Variants in IGF2 observed in about 807,000 individuals in gnomAD.
IGF2 encodes insulin-like growth factor 2.
IGF2 carries 2 observed loss-of-function variants against 12.0 expected under a neutral mutation model. That is an observed-to-expected ratio of 0.17 (90% CI 0.07 to 0.52). The LOEUF is 0.52. IGF2 is among the 20% of genes least tolerant of loss of function. The pLI, the probability that IGF2 is intolerant of heterozygous loss-of-function variation, is 0.95. For synonymous variants in IGF2, 105 were observed against 110.1 expected, an observed-to-expected ratio of 0.95 and a Z score of 0.29; for missense variants, 211 against 268.0, an observed-to-expected ratio of 0.79 and a Z score of 1.48.
upstream of IGF2, chr11:2,140,038 C>G (rs1281390078): frequency 8.0e-7 from 1 of 1,247,858 alleles, no homozygotes; most frequent in Non-Finnish European, 1.1e-6. Flanking sequence ...GGAAGGCCGG[C>G]TGCGCCGGGC....
the IGF2 span, chr11:2,147,285 CT>C: frequency 1.8e-5 from 6 of 326,192 alleles, no homozygotes; most frequent in African/African-American, 1.3e-4. The surrounding 1 kb of genome is among the most constrained non-coding windows in gnomAD (Gnocchi z 7.2). Flanking sequence ...CTCCCTGCCC[CT>C]CTCCCCTTCT....
chr11:2,138,148 G>C, intron 1 of IGF2, 81 bp downstream of exon 1: 1 of 883,562 alleles, frequency 1.1e-6, no homozygotes, highest in East Asian at 1.2e-4. Context: ...GCCGGGAGCG[G>C]GCGGAGGAAG....
In IGF2 at chr11:2,130,375, C is replaced by T. The variant is rs1437330851; in HGVS notation, c.*2612G>A. 1.8e-5 allele frequency: 4 copies of T among 227,866 alleles called. No homozygotes were observed. In the East Asian group the frequency reaches 1.9e-4, roughly 11 times the overall value. 14.1% of individuals were successfully genotyped at this position (227,866 alleles called of 1,614,324 possible). A position where few individuals can be genotyped will look rare whatever the true frequency, so the allele number is the denominator to read the frequency against. On this transcript the variant is annotated 3_prime_UTR_variant, in exon 4 of 4. Coordinates refer to ENST00000416167, the MANE Select transcript of IGF2 (RefSeq NM_000612.6). Reference sequence around the variant, plus strand: ...CTCCAAGGGGGCTCAGTGGCCAGTGCCCCCCAGGAGGCTCCACCCTCAACT... The same window carrying T: ...CTCCAAGGGGGCTCAGTGGCCAGTGTCCCCCAGGAGGCTCCACCCTCAACT...
Position 2,131,365 on chromosome 11 carries a change from C to A in IGF2, c.*1622G>T, listed in dbSNP as rs1858535128. ...ATCTTAGCGGGACTTTGGCCTGATC[C>A]ATACAGATATCGTAGTTGCTTAGAT... On this transcript the variant is annotated 3_prime_UTR_variant, in exon 4 of 4. Transcript: ENST00000416167. 4.3e-6 allele frequency: 1 copy of A among 233,266 alleles called. No individual in the cohort carries two copies. The highest frequency in any genetic ancestry group is 1.8e-4 in the South Asian group (1 of 5,536). The allele number at this position is 233,266 out of a possible 1,614,324, so 14.4% of individuals were successfully genotyped here.
In IGF2 at chr11:2,132,015, C is replaced by A; in HGVS notation, c.*972G>T. ...TGCGTTTGTGTGTGTGCTGTGTGCT[C>A]ATCTGTGTGCTGTGTGTGCTGTGCG... On this transcript the variant is annotated 3_prime_UTR_variant, in exon 4 of 4. Coordinates refer to ENST00000416167, the MANE Select transcript of IGF2 (RefSeq NM_000612.6). 1 of 139,758 alleles carries A rather than the reference C, an allele frequency of 7.2e-6. No homozygotes were observed. Among genetic ancestry groups the A allele is most frequent in the East Asian group, 1.0e-4 (1 of 9,842 alleles). 8.7% of individuals were successfully genotyped at this position (139,758 alleles called of 1,614,324 possible). A position where few individuals can be genotyped will look rare whatever the true frequency, so the allele number is the denominator to read the frequency against.
At chr11:2,143,259 C>T (rs1051549056), upstream of IGF2, among the ~76,000 whole-genome samples, 15 of 145,370 alleles carry the variant, frequency 1.0e-4, no homozygotes, top group Admixed American at 2.9e-4. Flanking sequence ...TGGGATTCAA[C>T]GTGTAAAGTT....
chr11:2,137,041 GA>G, intron 1 of IGF2: 1 of 161,472 alleles, frequency 6.2e-6, no homozygotes, highest in Non-Finnish European at 1.3e-5. Context: ...AGGGGCAGAG[GA>G]AAAGAGGGGA....
rs1165663004 is a variant in IGF2 at position 2,129,479 on chromosome 11, GC to G, written c.*3507del. On this transcript the variant is annotated 3_prime_UTR_variant, in exon 4 of 4. Coordinates refer to ENST00000416167, the MANE Select transcript of IGF2 (RefSeq NM_000612.6). This position sits in a 1 kb window ranked among gnomAD's most constrained non-coding sequence, Gnocchi z 8.1. ...GGACGCAAGGGGCTGGTCGGCAAGT[GC>G]CCCCGGGAACACCCACTCCGGCGAG... 2 of 228,840 alleles carry G rather than the reference GC, an allele frequency of 8.7e-6. No individual in the cohort carries two copies. Among genetic ancestry groups the G allele is most frequent in the South Asian group, 1.8e-4 (1 of 5,480 alleles). 14.2% of individuals were successfully genotyped at this position (228,840 alleles called of 1,614,324 possible).
chr11:2,149,411 C>T, the IGF2 span: 2 of 1,371,590 alleles, frequency 1.5e-6, no homozygotes, highest in African/African-American at 1.4e-5. Context: ...GGGAGAGCCT[C>T]ATCTCCGCTG....
upstream of IGF2, among the ~76,000 whole-genome samples, chr11:2,145,631 T>G (rs1026566210): frequency 5.9e-5 from 9 of 152,156 alleles, no homozygotes; most frequent in Admixed American, 1.3e-4. Flanking sequence ...TGCCTGGACT[T>G]TTTAAGGTAG....
At chr11:2,137,101 G>T (rs1294623619) in intron 1 of IGF2, 1 of 382,350 alleles carries the variant, frequency 2.6e-6, no homozygotes, top group Non-Finnish European at 3.6e-6. Context: ...AGGGCCCGAG[G>T]CCCAGGCGTG....
At chr11:2,144,342 C>G (rs1859782997), upstream of IGF2, among the ~76,000 whole-genome samples, 2 of 152,014 alleles carry the variant, frequency 1.3e-5, no homozygotes, top group Non-Finnish European at 2.9e-5. Flanking sequence ...GAGCCGCCAC[C>G]GGGGGCAGGC....
chr11:2,129,644 C>G lies in IGF2; in HGVS notation c.*3343G>C, dbSNP rs1858398393. Reference sequence around the variant, plus strand: ...GCTCTTTGGGCTTCTGTCCAATGTTCCGAATGGCCCACTCACAGGGCGCTT... The same window carrying G: ...GCTCTTTGGGCTTCTGTCCAATGTTGCGAATGGCCCACTCACAGGGCGCTT... On this transcript the variant is annotated 3_prime_UTR_variant, in exon 4 of 4. Coordinates refer to ENST00000416167, the MANE Select transcript of IGF2 (RefSeq NM_000612.6). This position sits in a 1 kb window ranked among gnomAD's most constrained non-coding sequence, Gnocchi z 8.1. The G allele has an allele frequency of 8.6e-6, 2 of 231,252 alleles. No individual in the cohort carries two copies. The highest frequency in any genetic ancestry group is 5.7e-5 in the Admixed American group (1 of 17,692). The allele number at this position is 231,252 out of a possible 1,614,324, so 14.3% of individuals were successfully genotyped here.
chr11:2,140,507 C>A, upstream of IGF2: 2 of 571,892 alleles, frequency 3.5e-6, no homozygotes, highest in Non-Finnish European at 6.1e-6. Flanking sequence ...CGCCTCCCGG[C>A]GGAGTCCTAG....
At chr11:2,136,018 C>T (rs1330138767) in intron 1 of IGF2, among the ~76,000 whole-genome samples, 1 of 152,178 alleles carries the variant, frequency 6.6e-6, no homozygotes, top group Non-Finnish European at 1.5e-5. Context: ...CCAGTCCCTT[C>T]CTCCCCACAA....
In IGF2 at chr11:2,129,926, C is replaced by T. The variant is rs1564889267; in HGVS notation, c.*3061G>A. 3 of 231,696 alleles carry T rather than the reference C, an allele frequency of 1.3e-5. No individual in the cohort carries two copies. Among genetic ancestry groups the T allele is most frequent in the Admixed American group, 1.1e-4 (2 of 17,734 alleles). 14.4% of individuals were successfully genotyped at this position (231,696 alleles called of 1,614,324 possible). A position where few individuals can be genotyped will look rare whatever the true frequency, so the allele number is the denominator to read the frequency against. On this transcript the variant is annotated 3_prime_UTR_variant, in exon 4 of 4. Transcript: ENST00000416167. This position sits in a 1 kb window ranked among gnomAD's most constrained non-coding sequence, Gnocchi z 8.1. ...GGCTCCGGGGCCCAAGCAACCTGGT[C>T]GATGGGCAGACCTGGCAGCTCTCCT...
intron 1 of IGF2, among the ~76,000 whole-genome samples, chr11:2,137,811 T>G (rs566255211): frequency 5.3e-5 from 8 of 152,224 alleles, no homozygotes; most frequent in African/African-American, 1.9e-4. Flanking sequence ...GCGGTCTCGC[T>G]GGCACCGCGT....
upstream of IGF2, chr11:2,140,541 C>T (rs978298684): frequency 3.9e-6 from 2 of 515,080 alleles, no homozygotes; most frequent in Non-Finnish European, 6.9e-6. Context: ...AGGCACTTTA[C>T]CGCCCGGCGG....
chr11:2,132,866 G>A lies in IGF2; in HGVS notation c.*121C>T. The stretch of plus-strand genomic sequence containing the variant: ...AGGCGGGGCACGGGGACTGGGTCAG[G>A]AGAAGCCCCAGGGGGACGTGGAACC... On this transcript the variant is annotated 3_prime_UTR_variant, in exon 4 of 4. Coordinates refer to ENST00000416167, the MANE Select transcript of IGF2 (RefSeq NM_000612.6). The A allele has an allele frequency of 1.4e-6, 1 of 714,324 alleles. No homozygotes were observed. The highest frequency in any genetic ancestry group is 2.3e-6 in the Non-Finnish European group (1 of 425,784). The allele number at this position is 714,324 out of a possible 1,614,324, so 44.2% of individuals were successfully genotyped here.
Sources: gnomAD v4.1 joint callset for allele counts (sites outside exome capture counted in the v4.1 genomes callset) on GRCh38, gnomAD v4.1.1 for gene constraint, Gnocchi (gnomAD v3.1) non-coding constraint, MANE v1.5 for transcripts, NCBI Gene and HGNC (gene_info 2026-07-23, HGNC 2026-07-21) for gene names.